Variants in MTURN observed in about 807,000 individuals in gnomAD.
The protein encoded by MTURN is maturin, neural progenitor differentiation regulator homolog.
A neutral mutation model predicts 14.9 loss-of-function variants in MTURN; 7 were observed. The ratio of observed to expected loss-of-function variants is 0.47; its 90% CI spans 0.27 to 0.88. The LOEUF is 0.88. MTURN is among the 40% of genes least tolerant of loss of function. MTURN has a pLI of 0.14. For missense variants in MTURN, 151 were observed against 174.1 expected, an observed-to-expected ratio of 0.87 and a Z score of 0.75; for synonymous variants, 69 against 72.5, an observed-to-expected ratio of 0.95 and a Z score of 0.25.
intron 2 of MTURN, among the ~76,000 whole-genome samples, chr7:30,152,181 A>C (rs1201581088): frequency 6.6e-6 from 1 of 151,162 alleles, no homozygotes; most frequent in Non-Finnish European, 1.5e-5. Flanking sequence ...TCATGTTATG[A>C]ACATTCAAAC....
At chr7:30,143,880 T>C (rs1210037589) in intron 1 of MTURN, among the ~76,000 whole-genome samples, 3 of 152,276 alleles carry the variant, frequency 2.0e-5, no homozygotes, top group Non-Finnish European at 4.4e-5. Flanking sequence ...TTGAGTGATA[T>C]ACTTTTCTAA....
intron 1 of MTURN, among the ~76,000 whole-genome samples, chr7:30,141,876 C>T (rs1797057544): frequency 6.6e-6 from 1 of 152,172 alleles, no homozygotes; most frequent in South Asian, 2.1e-4. Context: ...CCCTCGGTAC[C>T]GAGTGGCAGA....
At chr7:30,145,690 T>A (rs1797118203) in intron 1 of MTURN, 2 of 750,876 alleles carry the variant, frequency 2.7e-6, no homozygotes, top group South Asian at 4.5e-5. Flanking sequence ...GGAAGTAAAT[T>A]TACCACCACG....
chr7:30,152,805 G>A lies in MTURN; in HGVS notation c.286-4633G>A, dbSNP rs572541750. 4.6e-5 allele frequency among the ~76,000 whole-genome samples: 7 copies of A among 152,164 alleles called. No homozygotes were observed. In the East Asian group the frequency reaches 1.4e-3, roughly 29 times the overall value. On this transcript the variant is annotated intron_variant, in intron 2 of 2. Transcript: ENST00000324453. Reference sequence around the variant, plus strand: ...ACTATTATCCAAAAGACCTGTAGTCGGCCCTACAGATAACAGATACTCTCT... The same window carrying A: ...ACTATTATCCAAAAGACCTGTAGTCAGCCCTACAGATAACAGATACTCTCT...
chr7:30,157,393 C>A, intron 2 of MTURN, 45 bp from the exon 3 acceptor site: 1 of 1,500,248 alleles, frequency 6.7e-7, no homozygotes, highest in Non-Finnish European at 8.9e-7. Context: ...TGCCTGTGGG[C>A]CATTTGGCGC....
chr7:30,159,572 A>G lies in MTURN; in HGVS notation c.*2024A>G, dbSNP rs1797339031. ...TGACCAAATACATGTTGGTATTATC[A>G]TGTTAATGTTCTCTGTTTATAAAAA... is the stretch of plus-strand genomic sequence containing the variant. On this transcript the variant is annotated 3_prime_UTR_variant, in exon 3 of 3. Coordinates refer to ENST00000324453, the MANE Select transcript of MTURN (RefSeq NM_152793.3). 1 of 152,638 alleles carries G rather than the reference A, an allele frequency of 6.6e-6. No homozygotes were observed. The highest frequency in any genetic ancestry group is 1.5e-5 in the Non-Finnish European group (1 of 68,038). 9.5% of individuals were successfully genotyped at this position (152,638 alleles called of 1,614,324 possible).
intron 1 of MTURN, among the ~76,000 whole-genome samples, chr7:30,138,330 G>C (rs1796998341): frequency 6.6e-6 from 1 of 152,074 alleles, no homozygotes; most frequent in African/African-American, 2.4e-5. Flanking sequence ...ACTTAGGCTG[G>C]TCTCGAACTC....
At chr7:30,148,891 A>G (rs1282357234) in intron 2 of MTURN, among the ~76,000 whole-genome samples, 1 of 152,196 alleles carries the variant, frequency 6.6e-6, no homozygotes, top group Non-Finnish European at 1.5e-5. Flanking sequence ...TTAAAAAGAA[A>G]TGGATTCCTG....
chr7:30,157,604 A>G lies in MTURN; in HGVS notation c.*56A>G. ...GCCCCACAGTAACCTAGGTGGGGTC[A>G]CTGCCCCTCCTGGGTTAGCATTTTG... On this transcript the variant is annotated 3_prime_UTR_variant, in exon 3 of 3. Coordinates refer to ENST00000324453, the MANE Select transcript of MTURN (RefSeq NM_152793.3). 2.2e-6 allele frequency: 3 copies of G among 1,345,100 alleles called. No homozygotes were observed. The highest frequency in any genetic ancestry group is 3.0e-5 in the African/African-American group (2 of 66,944). The allele number at this position is 1,345,100 out of a possible 1,614,324, so 83.3% of individuals were successfully genotyped here.
intron 1 of MTURN, among the ~76,000 whole-genome samples, chr7:30,144,615 G>T (rs763803620): frequency 6.6e-5 from 10 of 152,172 alleles, no homozygotes; most frequent in Non-Finnish European, 1.0e-4. Flanking sequence ...AAGTCTGCTG[G>T]CATGAGAGCA....
At chr7:30,141,577 A>G (rs189584073) in intron 1 of MTURN, among the ~76,000 whole-genome samples, 59 of 152,284 alleles carry the variant, frequency 3.9e-4, no homozygotes, top group Admixed American at 7.8e-4. Flanking sequence ...ACGCTGGAGT[A>G]CAATGGTGTG....
intron 1 of MTURN, 130 bp downstream of exon 1, chr7:30,135,428 CCCCGCGT>C (rs1270807185): frequency 1.3e-6 from 1 of 762,876 alleles, no homozygotes; most frequent in East Asian, 5.9e-5. Flanking sequence ...GCGCCCCGCG[CCCCGCGT>C]GCTCCGCCGG....
At chr7:30,145,105 C>T (rs1202321726) in intron 1 of MTURN, among the ~76,000 whole-genome samples, 1 of 152,110 alleles carries the variant, frequency 6.6e-6, no homozygotes. Context: ...AAACCTATTT[C>T]TTGGCCTTGT....
intron 1 of MTURN, among the ~76,000 whole-genome samples, chr7:30,139,286 A>G (rs1329382185): frequency 6.6e-6 from 1 of 152,262 alleles, no homozygotes; most frequent in East Asian, 1.9e-4. Flanking sequence ...GGCACTTTAC[A>G]TATGCCAACT....
At chr7:30,149,387 G>A (rs68182804) in intron 2 of MTURN, among the ~76,000 whole-genome samples, 18,848 of 152,180 alleles carry the variant, frequency 0.12, 1,281 homozygotes, top group African/African-American at 0.16. Flanking sequence ...GAGGAGGTTT[G>A]TGGGCTGGGC....
intron 2 of MTURN, among the ~76,000 whole-genome samples, chr7:30,156,848 A>T (rs1797296014): frequency 6.6e-6 from 1 of 152,120 alleles, no homozygotes; most frequent in African/African-American, 2.4e-5. Context: ...CTGTCATAAT[A>T]AAAGTGCAAT....
intron 1 of MTURN, chr7:30,137,636 A>T (rs763973659): frequency 1.1e-5 from 5 of 471,080 alleles, no homozygotes; most frequent in South Asian, 7.7e-5. Context: ...GCTCTAATGG[A>T]CAAGATGCCA....
In MTURN at chr7:30,157,623, C is replaced by G; in HGVS notation, c.*75C>G. 1 of 1,081,148 alleles carries G rather than the reference C, an allele frequency of 9.2e-7. No individual in the cohort carries two copies. Among genetic ancestry groups the G allele is most frequent in the South Asian group, 1.7e-5 (1 of 59,184 alleles). The allele number at this position is 1,081,148 out of a possible 1,614,324, so 67.0% of individuals were successfully genotyped here. Reference sequence around the variant, plus strand: ...GGGGTCACTGCCCCTCCTGGGTTAGCATTTTGCATTAGCACTTCGAAATAG... The same window carrying G: ...GGGGTCACTGCCCCTCCTGGGTTAGGATTTTGCATTAGCACTTCGAAATAG... On this transcript the variant is annotated 3_prime_UTR_variant, in exon 3 of 3. Transcript: ENST00000324453.
intron 2 of MTURN, among the ~76,000 whole-genome samples, chr7:30,147,637 C>T (rs1470452273): frequency 6.6e-6 from 1 of 150,766 alleles, no homozygotes; most frequent in Non-Finnish European, 1.5e-5. Context: ...TTGGCTTACC[C>T]TCTCCTGGTT....
Sources: gnomAD v4.1 joint callset for allele counts (sites outside exome capture counted in the v4.1 genomes callset) on GRCh38, gnomAD v4.1.1 for gene constraint, MANE v1.5 for transcripts, NCBI Gene and HGNC (gene_info 2026-07-23, HGNC 2026-07-21) for gene names.